SH3RF1: variants seen among roughly 807,000 people sequenced by gnomAD.
The protein encoded by SH3RF1 is E3 ubiquitin-protein ligase SH3RF1.
SH3RF1 carries 32 observed loss-of-function variants against 74.0 expected under a neutral mutation model. The ratio of observed to expected loss-of-function variants is 0.43; its 90% CI spans 0.33 to 0.58. The LOEUF is 0.58. Among genes scored for constraint, SH3RF1 ranks in the 20% least tolerant of loss-of-function variants. The probability of loss-of-function intolerance (pLI) is 0.05; values close to 1 mark genes in which losing one functional copy is unlikely to be tolerated. For synonymous variants in SH3RF1, 396 were observed against 439.6 expected (o/e 0.90, Z 1.24); for missense variants, 954 against 1,130.9 (o/e 0.84, Z 2.24).
intron 2 of SH3RF1, among the ~76,000 whole-genome samples, chr4:169,227,694 C>T (rs890925577): frequency 6.6e-6 from 1 of 152,170 alleles, no homozygotes; most frequent in Non-Finnish European, 1.5e-5. Flanking sequence ...CTTTCTCTAC[C>T]AGTGGCCTGG....
chr4:169,204,700 A>C (rs1208765997), intron 2 of SH3RF1, among the ~76,000 whole-genome samples: 2 of 151,914 alleles, frequency 1.3e-5, no homozygotes. Flanking sequence ...ACAGGCATGC[A>C]CTACCACGCC....
chr4:169,195,635 C>T (rs558870829), intron 2 of SH3RF1, among the ~76,000 whole-genome samples: 60 of 152,112 alleles, frequency 3.9e-4, no homozygotes, highest in African/African-American at 1.4e-3. Context: ...TTTTCTTCTC[C>T]ATATTTTCTT....
chr4:169,231,626 C>G (rs954805077), intron 2 of SH3RF1, among the ~76,000 whole-genome samples: 7 of 152,156 alleles, frequency 4.6e-5, no homozygotes, highest in South Asian at 2.1e-4. Context: ...CTCCTACACT[C>G]AAGATTCTAA....
intron 10 of SH3RF1, among the ~76,000 whole-genome samples, chr4:169,111,604 T>C (rs1733247469): frequency 2.6e-5 from 4 of 151,956 alleles, no homozygotes; most frequent in African/African-American, 9.7e-5. Flanking sequence ...AAAACATATA[T>C]ACATATACAT....
chr4:169,120,985 C>T lies in SH3RF1; in HGVS notation c.1351G>A (p.Val451Ile), dbSNP rs1479122742. ...LRPQTRPSVYVAIYPYTPRKE... is the reference protein window; with the variant it reads ...LRPQTRPSVYIAIYPYTPRKE... ...CGAGGAGTGTATGGATATATAGCAA[C>T]ATACCTAGAATAGAAAATAATATTT... is the stretch of plus-strand genomic sequence containing the variant. The change falls in exon 8 of 12, where the codon GTT (valine) becomes ATT (isoleucine). Residue 451 changes from valine to isoleucine, a missense_variant. Val to Ile is a conservative substitution (Grantham distance 29). Coordinates refer to ENST00000284637, the MANE Select transcript of SH3RF1 (RefSeq NM_020870.4). The T allele has an allele frequency of 6.2e-7, 1 of 1,611,824 alleles. No homozygotes were observed. Among genetic ancestry groups the T allele is most frequent in the South Asian group, 1.1e-5 (1 of 91,012 alleles).
chr4:169,128,851 C>T (rs1285677403), intron 6 of SH3RF1, among the ~76,000 whole-genome samples: 2 of 152,108 alleles, frequency 1.3e-5, no homozygotes, highest in Admixed American at 1.3e-4. Context: ...GTACAGACAG[C>T]AAAGAAAACT....
At chr4:169,144,771 T>C (rs1733844894) in intron 4 of SH3RF1, among the ~76,000 whole-genome samples, 1 of 152,066 alleles carries the variant, frequency 6.6e-6, no homozygotes, top group Admixed American at 6.6e-5. Context: ...ATTTTTTTTT[T>C]TAAGGAAAGC....
At position 169,172,868 on chromosome 4, in the gene SH3RF1, C is replaced by T. The variant is rs368919060; in HGVS notation, c.394-16189G>A. 4.6e-5 allele frequency among the ~76,000 whole-genome samples: 7 copies of T among 152,260 alleles called. No homozygotes were observed. The East Asian group carries it at 7.7e-4, about 17-fold the overall frequency. On this transcript the variant is annotated intron_variant, in intron 2 of 11. Coordinates refer to ENST00000284637, the MANE Select transcript of SH3RF1 (RefSeq NM_020870.4). Reference sequence around the variant, plus strand: ...GAATAGAAAACAGTAATAGCACTTACCCCTGGAAAGCAGGACTAGGGTAGG... The same window carrying T: ...GAATAGAAAACAGTAATAGCACTTATCCCTGGAAAGCAGGACTAGGGTAGG...
rs56229906 is a variant in SH3RF1, at chr4:169,255,622, T to TACACACACACACACACACACACACAC, written c.393+13172_393+13197dup. On this transcript the variant is annotated intron_variant, in intron 2 of 11. Coordinates refer to ENST00000284637, the MANE Select transcript of SH3RF1 (RefSeq NM_020870.4). ...ATACATACACACATACATACACACA[T>TACACACACACACACACACACACACAC]ACACACACACACACACACACACACA... 7.9e-4 allele frequency among the ~76,000 whole-genome samples: 99 copies of TACACACACACACACACACACACACAC among 124,668 alleles called. 2 individuals carry two copies. Among genetic ancestry groups the TACACACACACACACACACACACACAC allele is most frequent in the Middle Eastern group, 4.3e-3 (1 of 232 alleles). 81.8% of individuals were successfully genotyped at this position (124,668 alleles called of 152,430 possible). A position where few individuals can be genotyped will look rare whatever the true frequency, so the allele number is the denominator to read the frequency against.
intron 4 of SH3RF1, among the ~76,000 whole-genome samples, chr4:169,153,445 A>G (rs767711548): frequency 5.3e-5 from 8 of 152,224 alleles, no homozygotes; most frequent in Non-Finnish European, 2.9e-5. Flanking sequence ...TGGCCCCTGA[A>G]GTGGGGCAAA....
At chr4:169,163,932 A>G (rs932232647) in intron 2 of SH3RF1, among the ~76,000 whole-genome samples, 2 of 152,286 alleles carry the variant, frequency 1.3e-5, no homozygotes, top group South Asian at 4.1e-4. Context: ...AAATAAGGCC[A>G]AGATCAATGA....
intron 2 of SH3RF1, among the ~76,000 whole-genome samples, chr4:169,163,661 T>C (rs1015116229): frequency 1.1e-4 from 17 of 152,150 alleles, no homozygotes; most frequent in African/African-American, 3.6e-4. Context: ...GTCTAAATCA[T>C]GAGTTTTATG....
intron 2 of SH3RF1, among the ~76,000 whole-genome samples, chr4:169,168,732 G>A (rs904392083): frequency 6.6e-6 from 1 of 152,228 alleles, no homozygotes; most frequent in African/African-American, 2.4e-5. Context: ...GTTTGGTTCT[G>A]CCCAAAGGCA....
intron 2 of SH3RF1, among the ~76,000 whole-genome samples, chr4:169,190,919 C>T (rs1734694169): frequency 6.6e-6 from 1 of 152,096 alleles, no homozygotes; most frequent in African/African-American, 2.4e-5. Flanking sequence ...TGGTTTAACA[C>T]ACACAAGTCA....
At chr4:169,141,358 G>C (rs527240647) in intron 4 of SH3RF1, among the ~76,000 whole-genome samples, 12 of 152,100 alleles carry the variant, frequency 7.9e-5, no homozygotes, top group Non-Finnish European at 1.5e-4. Context: ...CTGATAGCAT[G>C]GTATTCCATT....
At chr4:169,231,651 T>C (rs1730740728) in intron 2 of SH3RF1, among the ~76,000 whole-genome samples, 1 of 152,098 alleles carries the variant, frequency 6.6e-6, no homozygotes. Flanking sequence ...CTAAGATTAG[T>C]TTTTGCTCAA....
intron 2 of SH3RF1, among the ~76,000 whole-genome samples, chr4:169,176,619 C>A (rs984606124): frequency 6.6e-6 from 1 of 152,186 alleles, no homozygotes; most frequent in Non-Finnish European, 1.5e-5. Context: ...TGGCTCACTG[C>A]AACCTCAGTT....
intron 2 of SH3RF1, among the ~76,000 whole-genome samples, chr4:169,189,283 C>G (rs1734660240): frequency 6.6e-6 from 1 of 152,252 alleles, no homozygotes; most frequent in Non-Finnish European, 1.5e-5. Context: ...ATAAAGCAGG[C>G]AGCACCTCGT....
chr4:169,194,155 A>C (rs772771964), intron 2 of SH3RF1, among the ~76,000 whole-genome samples: 14 of 152,172 alleles, frequency 9.2e-5, no homozygotes, highest in Non-Finnish European at 1.8e-4. Context: ...GTCATCTAAA[A>C]ATTTTTCTAG....
Sources: gnomAD v4.1 joint callset for allele counts (sites outside exome capture counted in the v4.1 genomes callset) on GRCh38, gnomAD v4.1.1 for gene constraint, MANE v1.5 for transcripts, NCBI Gene and HGNC (gene_info 2026-07-23, HGNC 2026-07-21) for gene names.